The following RYR3 variants were observed in gnomAD, a reference collection of about 807,000 sequenced individuals.
RYR3 encodes brain ryanodine receptor-calcium release channel.
In RYR3, 207 loss-of-function variants were observed where a neutral mutation model predicts 584.3. The observed-to-expected ratio is 0.35, with a 90% confidence interval of 0.32 to 0.40. The LOEUF (loss-of-function observed/expected upper bound fraction) is 0.40, where lower values mean the gene tolerates loss of function less well. Among genes scored for constraint, RYR3 ranks in the 10% least tolerant of loss-of-function variants. The pLI is 1.00. For missense variants in RYR3, 5,616 were observed against 6,089.2 expected (o/e 0.92, Z 2.59); for synonymous variants, 2,416 against 2,248.5 (o/e 1.07, Z -2.11).
intron 1 of RYR3, among the ~76,000 whole-genome samples, chr15:33,314,004 T>A (rs940236493): frequency 2.6e-5 from 4 of 152,198 alleles, no homozygotes; most frequent in Non-Finnish European, 4.4e-5. Flanking sequence ...AGACACTTAT[T>A]TGTGGTAGTG....
rs1422131436 is a variant in RYR3 at position 33,336,531 on chromosome 15, AGGG to A, written c.51+25436_51+25438del. On this transcript the variant is annotated intron_variant, in intron 1 of 103. Transcript: ENST00000634891. ...GAGGGAAGGAGGGAAGGAGGGAAGG[AGGG>A]AAGGAGGGAAGGAGGGAAGGAAGGA... Among the ~76,000 whole-genome samples, 81 of 95,894 alleles carry A rather than the reference AGGG, an allele frequency of 8.4e-4. 30 individuals are homozygous for A. The highest frequency in any genetic ancestry group is 3.3e-3 in the African/African-American group (72 of 22,002). The allele number at this position is 95,894 out of a possible 152,430, so 62.9% of individuals were successfully genotyped here.
chr15:33,771,938 C>G lies in RYR3; in HGVS notation c.8835C>G (p.Gly2945=), dbSNP rs568295672. Residue 2945 remains glycine (G), a synonymous_variant, in exon 63 of 104, where the codon GGC becomes GGG. Coordinates refer to ENST00000634891, the MANE Select transcript of RYR3 (RefSeq NM_001036.6). ...TLDTRTVMKS[G]SELVKAGLRA... ...CTTGCAGGACTGTCATGAAGTCAGG[C>G]TCAGAGCTGGTGAAGGCTGGGTTAC... 34 of 1,611,998 alleles carry G rather than the reference C, an allele frequency of 2.1e-5. No individual in the cohort carries two copies. The South Asian group carries it at 3.7e-4, about 17-fold the overall frequency.
chr15:33,694,345 C>T (rs28599635), intron 38 of RYR3, among the ~76,000 whole-genome samples: 23,249 of 151,406 alleles, frequency 0.15, 2,261 homozygotes, highest in Admixed American at 0.3. Flanking sequence ...CCCGGGTTCA[C>T]GCCATTCTCC....
intron 3 of RYR3, among the ~76,000 whole-genome samples, chr15:33,524,216 C>T (rs2054229688): frequency 6.6e-6 from 1 of 152,178 alleles, no homozygotes; most frequent in Admixed American, 6.5e-5. Context: ...GGTTCGGCAG[C>T]CAGCCAAATG....
intron 1 of RYR3, among the ~76,000 whole-genome samples, chr15:33,347,775 G>A (rs1024439918): frequency 3.9e-5 from 6 of 151,996 alleles, no homozygotes; most frequent in African/African-American, 1.5e-4. Flanking sequence ...AACAAAATTT[G>A]CTTTTAGGAC....
At chr15:33,772,501 T>C (rs2073653207) in intron 63 of RYR3, among the ~76,000 whole-genome samples, 1 of 152,196 alleles carries the variant, frequency 6.6e-6, no homozygotes, top group African/African-American at 2.4e-5. Flanking sequence ...GCTCCTGGGT[T>C]TTTGAGACAT....
intron 11 of RYR3, among the ~76,000 whole-genome samples, chr15:33,563,362 G>A (rs1430883889): frequency 6.6e-6 from 1 of 152,166 alleles, no homozygotes; most frequent in African/African-American, 2.4e-5. Flanking sequence ...TTATTGTGCA[G>A]TTTTCATAAT....
chr15:33,671,601 A>G (rs991302791), intron 38 of RYR3, among the ~76,000 whole-genome samples: 1 of 152,106 alleles, frequency 6.6e-6, no homozygotes, highest in Admixed American at 6.5e-5. Flanking sequence ...TTGATAGGGT[A>G]GTTCCATCAG....
intron 67 of RYR3, among the ~76,000 whole-genome samples, chr15:33,792,920 G>A (rs879676653): frequency 7.9e-5 from 12 of 152,038 alleles, no homozygotes; most frequent in Non-Finnish European, 1.3e-4. Flanking sequence ...CAGTAACTAC[G>A]CAGAGTTAGT....
chr15:33,536,437 A>T (rs2055335830), intron 5 of RYR3, among the ~76,000 whole-genome samples: 1 of 152,186 alleles, frequency 6.6e-6, no homozygotes, highest in Non-Finnish European at 1.5e-5. Context: ...TAGAATTTAG[A>T]CTTAGGAGGA....
rs2060832473 is a variant in RYR3 at position 33,623,532 on chromosome 15, G to A, written c.2358-275G>A. On this transcript the variant is annotated intron_variant, in intron 19 of 103. Transcript: ENST00000634891. ...GTAATTATTTACCTATTAGAGTACAGATAAACTTGGTTCTAAAAACCTAGT... is the reference window on the plus strand; with the variant it reads ...GTAATTATTTACCTATTAGAGTACAAATAAACTTGGTTCTAAAAACCTAGT... 3.3e-5 allele frequency among the ~76,000 whole-genome samples: 5 copies of A among 152,236 alleles called. No homozygotes were observed. In the South Asian group the frequency reaches 1.0e-3, roughly 32 times the overall value.
At chr15:33,547,449 C>T (rs933129444) in intron 8 of RYR3, among the ~76,000 whole-genome samples, 1 of 152,094 alleles carries the variant, frequency 6.6e-6, no homozygotes, top group African/African-American at 2.4e-5. Context: ...GACAAACGTA[C>T]CCTGGTAATA....
At chr15:33,689,135 C>A (rs2065227197) in intron 38 of RYR3, among the ~76,000 whole-genome samples, 1 of 148,702 alleles carries the variant, frequency 6.7e-6, no homozygotes, top group Non-Finnish European at 1.5e-5. Flanking sequence ...GAAAACCAAA[C>A]ACTCCATGTT....
At chr15:33,850,879 AG>A (rs1229363531) in intron 94 of RYR3, 3 of 152,178 alleles carry the variant, frequency 2.0e-5, no homozygotes, top group African/African-American at 7.2e-5. Flanking sequence ...TTAAATAATT[AG>A]CAATCAGTGA....
intron 5 of RYR3, among the ~76,000 whole-genome samples, chr15:33,535,406 C>T (rs1425501887): frequency 6.6e-6 from 1 of 152,154 alleles, no homozygotes; most frequent in African/African-American, 2.4e-5. Context: ...CCCATTATGG[C>T]TTTTTTCCTA....
At chr15:33,731,828 C>T (rs1477070866) in intron 48 of RYR3, 134 bp downstream of exon 48, 12 of 674,426 alleles carry the variant, frequency 1.8e-5, no homozygotes, top group African/African-American at 1.6e-4. Context: ...CTCCCCCAGA[C>T]ATCTCATAGG....
At chr15:33,531,348 C>T (rs563913678) in intron 4 of RYR3, among the ~76,000 whole-genome samples, 7 of 151,652 alleles carry the variant, frequency 4.6e-5, no homozygotes, top group Non-Finnish European at 8.8e-5. Flanking sequence ...TATAATTTTA[C>T]AATATTTTAA....
chr15:33,743,428 A>G (rs1375717697), intron 52 of RYR3, among the ~76,000 whole-genome samples: 1 of 152,228 alleles, frequency 6.6e-6, no homozygotes, highest in Non-Finnish European at 1.5e-5. Flanking sequence ...TTGCGGCACA[A>G]AAGTAGCCAT....
chr15:33,612,448 C>T (rs1252219197), intron 18 of RYR3, among the ~76,000 whole-genome samples: 1 of 152,198 alleles, frequency 6.6e-6, no homozygotes, highest in East Asian at 1.9e-4. Flanking sequence ...GCAACCTCTG[C>T]CTCCCGGGTT....
Sources: gnomAD v4.1 joint callset for allele counts (sites outside exome capture counted in the v4.1 genomes callset) on GRCh38, gnomAD v4.1.1 for gene constraint, MANE v1.5 for transcripts, NCBI Gene and HGNC (gene_info 2026-07-23, HGNC 2026-07-21) for gene names.